The following LMAN1 variants were observed in gnomAD, a reference collection of about 807,000 sequenced individuals.
LMAN1 encodes lectin, mannose binding 1.
LMAN1 carries 32 observed loss-of-function variants against 67.8 expected under a neutral mutation model. The observed-to-expected ratio is 0.47, with a 90% CI of 0.36 to 0.63. The LOEUF is 0.63. LMAN1 is among the 30% of genes least tolerant of loss of function. The pLI, the probability that LMAN1 is intolerant of heterozygous loss-of-function variation, is 0.00. For synonymous variants in LMAN1, 235 were observed against 219.3 expected (o/e 1.07, Z -0.63); for missense variants, 632 against 628.2 (o/e 1.01, Z -0.06).
chr18:59,334,520 G>C (rs1321681710), intron 10 of LMAN1, among the ~76,000 whole-genome samples: 1 of 152,220 alleles, frequency 6.6e-6, no homozygotes, highest in Non-Finnish European at 1.5e-5. Flanking sequence ...GTTGGTTTAG[G>C]AAACAGGTCA....
At chr18:59,342,999 A>G (rs1908320933) in intron 8 of LMAN1, among the ~76,000 whole-genome samples, 1 of 151,606 alleles carries the variant, frequency 6.6e-6, no homozygotes, top group Admixed American at 6.6e-5. Context: ...GCATTTTCAT[A>G]TACTGATAAT....
intron 8 of LMAN1, among the ~76,000 whole-genome samples, chr18:59,340,485 G>C (rs1908262597): frequency 6.6e-6 from 1 of 151,546 alleles, no homozygotes; most frequent in Non-Finnish European, 1.5e-5. Context: ...CATTCTCAAA[G>C]TGCTAATAAA....
chr18:59,350,610 T>A (rs1230530794), intron 5 of LMAN1, among the ~76,000 whole-genome samples: 1 of 152,160 alleles, frequency 6.6e-6, no homozygotes. Flanking sequence ...TTCTCCTGCC[T>A]CAGCCTCCCG....
At chr18:59,341,584 C>G (rs748420377) in intron 8 of LMAN1, among the ~76,000 whole-genome samples, 10 of 152,064 alleles carry the variant, frequency 6.6e-5, no homozygotes, top group Non-Finnish European at 1.2e-4. Context: ...AATTAAACAG[C>G]ATGCTCCTGA....
At position 59,338,578 on chromosome 18, in the gene LMAN1, A is replaced by G; in HGVS notation, c.1199T>C (p.Leu400Pro). The G allele has an allele frequency of 1.9e-6, 3 of 1,613,626 alleles. No homozygotes were observed. The highest frequency in any genetic ancestry group is 2.5e-6 in the Non-Finnish European group (3 of 1,179,588). Residue 400 changes from leucine (L) to proline (P), a missense_variant, in exon 10 of 13, where the codon CTG (leucine) becomes CCG (proline). Coordinates refer to ENST00000251047, the MANE Select transcript of LMAN1 (RefSeq NM_005570.4). Reference protein sequence around the residue: ...DTVVKTQHEILRQVNEMKNSM... With the variant: ...DTVVKTQHEIPRQVNEMKNSM... Reference sequence around the variant, plus strand: ...TTACTTCATTTCATTTACTTGTCTCAGAATCTCATGCTGAGTTTTCACAAC... The same window carrying G: ...TTACTTCATTTCATTTACTTGTCTCGGAATCTCATGCTGAGTTTTCACAAC...
chr18:59,350,696 C>T lies in LMAN1; in HGVS notation c.640-1460G>A, dbSNP rs568157523. On this transcript the variant is annotated intron_variant, in intron 5 of 12. Transcript: ENST00000251047. The stretch of plus-strand genomic sequence containing the variant: ...ATTTTTAGTAGAGGCGGGGTTTCAC[C>T]GTGTGAGCCAGGATGGTCTTGATCT... Among the ~76,000 whole-genome samples the T allele has an allele frequency of 7.0e-3, 1,059 of 152,146 alleles. 3 individuals are homozygous for T. The highest frequency in any genetic ancestry group is 0.011 in the Non-Finnish European group (755 of 67,952).
In LMAN1 at chr18:59,345,976, A is replaced by G. The variant is rs2144222611; in HGVS notation, c.898T>C (p.Leu300=). 6.2e-7 allele frequency: 1 copy of G among 1,613,644 alleles called. No homozygotes were observed. The highest frequency in any genetic ancestry group is 1.7e-5 in the Admixed American group (1 of 59,966). ...TGGAATTCCTCTTTTTTTTTATCCA[A>G]TTCTTGTTGAAAGTGCTCAAATTCC... ...QEEFEHFQQE[L]DKKKEEFQKG... Residue 300 remains leucine (L), a synonymous_variant, in exon 8 of 13, where the codon TTG becomes CTG. Transcript: ENST00000251047.
At position 59,347,076 on chromosome 18, in the gene LMAN1, A is replaced by G. The variant is rs144379883; in HGVS notation, c.822+437T>C. Among the ~76,000 whole-genome samples the G allele has an allele frequency of 7.3e-3, 1,108 of 152,014 alleles. 7 individuals are homozygous for G. The highest frequency in any genetic ancestry group is 0.012 in the Non-Finnish European group (841 of 67,964). ...AAACCCCGTCTCTAGCAAAAAATAC[A>G]AGAAATTAGCCGGGTGTGGTGGCGG... On this transcript the variant is annotated intron_variant, in intron 7 of 12. Coordinates refer to ENST00000251047, the MANE Select transcript of LMAN1 (RefSeq NM_005570.4).
chr18:59,334,200 T>C (rs566830584), intron 10 of LMAN1, among the ~76,000 whole-genome samples: 1 of 152,216 alleles, frequency 6.6e-6, no homozygotes, highest in Non-Finnish European at 1.5e-5. Context: ...AAGCATGAAC[T>C]TGCTTAGGTA....
intron 1 of LMAN1, among the ~76,000 whole-genome samples, chr18:59,357,095 T>C (rs901659122): frequency 1.3e-5 from 2 of 152,072 alleles, no homozygotes; most frequent in East Asian, 1.9e-4. Flanking sequence ...GTAGTTACAG[T>C]GAGGCTTATG....
In LMAN1 at chr18:59,359,227, T is replaced by A. The variant is rs1364018783; in HGVS notation, c.18A>T (p.Gln6His). MAGSR[Q>H]RGLRARVRPL... ...GCCGAACTCTGGCCCGGAGACCCCT[T>A]TGCCTGGATCCCGCCATCTTGGATT... Residue 6 changes from glutamine to histidine, a missense_variant, in exon 1 of 13, where the codon CAA (glutamine) becomes CAT (histidine). Coordinates refer to ENST00000251047, the MANE Select transcript of LMAN1 (RefSeq NM_005570.4). The A allele has an allele frequency of 6.2e-7, 1 of 1,613,622 alleles. No individual in the cohort carries two copies. Among genetic ancestry groups the A allele is most frequent in the African/African-American group, 1.3e-5 (1 of 74,912 alleles).
chr18:59,356,695 AC>A (rs1158567397), intron 1 of LMAN1, among the ~76,000 whole-genome samples: 1 of 152,206 alleles, frequency 6.6e-6, no homozygotes, highest in Non-Finnish European at 1.5e-5. Flanking sequence ...ATGGAAAGAG[AC>A]TGAACACAGA....
At position 59,345,776 on chromosome 18, in the gene LMAN1, G is replaced by C. The variant is rs947514226; in HGVS notation, c.955+143C>G. The C allele has an allele frequency of 1.7e-5, 16 of 923,998 alleles. No individual in the cohort carries two copies. In the South Asian group the frequency reaches 2.4e-4, roughly 14 times the overall value. 57.2% of individuals were successfully genotyped at this position (923,998 alleles called of 1,614,324 possible). A position where few individuals can be genotyped will look rare whatever the true frequency, so the allele number is the denominator to read the frequency against. On this transcript the variant is annotated intron_variant, in intron 8 of 12. Transcript: ENST00000251047. ...CTTGACTCTTAAAGACTAAAGATTT[G>C]CTCCTAAATTGTTTCCAGAAATCAC...
chr18:59,340,898 T>C (rs536167549), intron 8 of LMAN1, among the ~76,000 whole-genome samples: 1 of 152,190 alleles, frequency 6.6e-6, no homozygotes, highest in Admixed American at 6.5e-5. Flanking sequence ...TGCAGATGGA[T>C]TAAATGTTCC....
In LMAN1 at chr18:59,338,912, G is replaced by C. The variant is rs368836543; in HGVS notation, c.997C>G (p.Gln333Glu). The change falls in exon 9 of 13, where the codon CAA becomes GAA. Residue 333 changes from glutamine (Q) to glutamate (E), a missense_variant. By Grantham distance (29) the Gln-to-Glu change is conservative. Transcript: ENST00000251047. The part of the protein sequence containing the change: ...FESVGDRELR[Q>E]VFEGQNRIHL... ...ATACGATTCTGTCCTTCAAAGACTT[G>C]TCTTAGCTCTCGATCTCCTACACTC... The C allele has an allele frequency of 5.6e-6, 9 of 1,613,366 alleles. No homozygotes were observed. The highest frequency in any genetic ancestry group is 5.3e-5 in the African/African-American group (4 of 74,866).
Position 59,338,621 on chromosome 18 carries a change from G to C in LMAN1, c.1156C>G (p.Gln386Glu). Residue 386 changes from glutamine (Q) to glutamate (E), a missense_variant, in exon 10 of 13, where the codon CAA becomes GAA. Gln to Glu is a conservative substitution (Grantham distance 29, BLOSUM62 2). Transcript: ENST00000251047. ...GMPGQHGQITQQELDTVVKTQ... is the reference protein window; with the variant it reads ...GMPGQHGQITEQELDTVVKTQ... The stretch of plus-strand genomic sequence containing the variant: ...TTCACAACAGTATCCAGTTCTTGTT[G>C]AGTAATCTGGAGGAAGAAACAATGA... 6.2e-7 allele frequency: 1 copy of C among 1,613,280 alleles called. No individual in the cohort carries two copies. The highest frequency in any genetic ancestry group is 8.5e-7 in the Non-Finnish European group (1 of 1,179,322).
At chr18:59,336,465 G>A (rs1174749871) in intron 10 of LMAN1, among the ~76,000 whole-genome samples, 1 of 152,116 alleles carries the variant, frequency 6.6e-6, no homozygotes, top group East Asian at 1.9e-4. Context: ...TGTAACCTAT[G>A]GAATAAGTAT....
Position 59,353,195 on chromosome 18 carries a change from T to A in LMAN1, c.639+7A>T, listed in dbSNP as rs1183862331. On this transcript the variant is annotated splice_region_variant and intron_variant, in intron 5 of 12. Transcript: ENST00000251047. ...TATTTGATTCTCTCTAAATAGATGT[T>A]ACTTACTGTCAGTGTGTTCTGGTAA... 2 of 1,597,084 alleles carry A rather than the reference T, an allele frequency of 1.3e-6. No homozygotes were observed.
In LMAN1 at chr18:59,353,202, T is replaced by C. The variant is rs748045311; in HGVS notation, c.639A>G (p.Thr213=). Residue 213 remains threonine, a splice_region_variant and synonymous_variant, in exon 5 of 13, where the codon ACA becomes ACG. Coordinates refer to ENST00000251047, the MANE Select transcript of LMAN1 (RefSeq NM_005570.4). ...AKITYYQNTL[T]VMINNGFTPD... Reference sequence around the variant, plus strand: ...TTCTCTCTAAATAGATGTTACTTACTGTCAGTGTGTTCTGGTAATAGGTAA... The same window carrying C: ...TTCTCTCTAAATAGATGTTACTTACCGTCAGTGTGTTCTGGTAATAGGTAA... 18 of 1,606,256 alleles carry C rather than the reference T, an allele frequency of 1.1e-5. No individual in the cohort carries two copies. In the African/African-American group the frequency reaches 1.9e-4, roughly 17 times the overall value.
Sources: allele counts gnomAD v4.1 joint callset (sites outside exome capture counted in the v4.1 genomes callset), GRCh38; gene constraint gnomAD v4.1.1; transcripts MANE v1.5; gene names NCBI Gene and HGNC (gene_info 2026-07-23, HGNC 2026-07-21).